The following TDRD10 variants were observed in gnomAD, a reference collection of about 807,000 sequenced individuals.
TDRD10 encodes the protein tudor domain-containing protein 10.
A neutral mutation model predicts 48.0 loss-of-function variants in TDRD10; 40 were observed. That is an observed-to-expected ratio of 0.83 (90% CI 0.65 to 1.09). The LOEUF (loss-of-function observed/expected upper bound fraction) is 1.09. Ranked by LOEUF, TDRD10 falls within the 50% of genes least tolerant of loss-of-function variation. The pLI is 0.00. For missense variants in TDRD10, 378 were observed against 434.7 expected (o/e 0.87, Z 1.16); for synonymous variants, 162 against 170.4 (o/e 0.95, Z 0.38).
At chr1:154,511,480 A>C (rs1189465376) in intron 4 of TDRD10, among the ~76,000 whole-genome samples, 1 of 151,504 alleles carries the variant, frequency 6.6e-6, no homozygotes, top group Non-Finnish European at 1.5e-5. Flanking sequence ...AATAATACAA[A>C]TATTACTAAT....
intron 11 of TDRD10, among the ~76,000 whole-genome samples, chr1:154,545,623 G>A (rs1302065419): frequency 6.6e-6 from 1 of 151,930 alleles, no homozygotes; most frequent in Non-Finnish European, 1.5e-5. Flanking sequence ...TGCCCATGCT[G>A]GAGTGCAGTG....
intron 7 of TDRD10, 46 bp downstream of exon 7, chr1:154,542,112 C>T: frequency 1.2e-6 from 2 of 1,606,988 alleles, no homozygotes; most frequent in African/African-American, 1.3e-5. Flanking sequence ...GGCTTTGCAG[C>T]TCCTAATGGA....
intron 1 of TDRD10, among the ~76,000 whole-genome samples, chr1:154,506,159 C>T (rs1398801926): frequency 4.6e-5 from 7 of 152,204 alleles, no homozygotes; most frequent in Non-Finnish European, 5.9e-5. Context: ...AGTCACAAGT[C>T]TGACACATGT....
chr1:154,505,692 GGACTGA>G (rs1353685654), intron 1 of TDRD10, among the ~76,000 whole-genome samples: 3 of 152,120 alleles, frequency 2.0e-5, no homozygotes, highest in Admixed American at 6.5e-5. Flanking sequence ...TGGAATCACA[GGACTGA>G]GTTACCTCAG....
intron 4 of TDRD10, among the ~76,000 whole-genome samples, chr1:154,519,892 C>T (rs773627650): frequency 6.6e-5 from 10 of 152,034 alleles, no homozygotes; most frequent in Non-Finnish European, 1.2e-4. Context: ...GGAAGGGAAC[C>T]ATATCCCCGG....
intron 6 of TDRD10, among the ~76,000 whole-genome samples, chr1:154,540,507 C>CAAAAAAAAAAAAAAAA (rs57375022): frequency 9.2e-6 from 1 of 109,118 alleles, no homozygotes; most frequent in African/African-American, 4.4e-5. Context: ...CCCATCTCTA[C>CAAAAAAAAAAAAAAAA]AAAAAAAAAA....
intron 6 of TDRD10, among the ~76,000 whole-genome samples, chr1:154,530,638 C>T (rs1694565358): frequency 6.6e-6 from 1 of 151,836 alleles, no homozygotes; most frequent in African/African-American, 2.4e-5. Flanking sequence ...TTTTAGTTTT[C>T]AGAGTTTAAT....
intron 6 of TDRD10, among the ~76,000 whole-genome samples, chr1:154,533,623 T>G (rs1221244139): frequency 1.3e-5 from 2 of 151,430 alleles, no homozygotes; most frequent in African/African-American, 4.9e-5. Context: ...AGAGTGGAGG[T>G]TCTAAGAATG....
At chr1:154,547,537 C>G (rs779628604) in intron 12 of TDRD10, 58 bp downstream of exon 12, 8 of 1,614,104 alleles carry the variant, frequency 5.0e-6, no homozygotes, top group African/African-American at 1.3e-5. Flanking sequence ...CTTGGGGTGT[C>G]TGCAGCAGGC....
intron 6 of TDRD10, among the ~76,000 whole-genome samples, chr1:154,535,888 C>G (rs908917846): frequency 1.3e-5 from 2 of 152,128 alleles, no homozygotes; most frequent in Non-Finnish European, 2.9e-5. Context: ...AGTCCTGGAA[C>G]AGTTGCTGTG....
intron 6 of TDRD10, among the ~76,000 whole-genome samples, chr1:154,531,542 A>C (rs1250944556): frequency 2.0e-5 from 3 of 151,888 alleles, no homozygotes; most frequent in African/African-American, 7.3e-5. Flanking sequence ...GGAGTTGTTC[A>C]TTCCTCCCAG....
At chr1:154,523,644 C>T (rs770961691) in intron 6 of TDRD10, among the ~76,000 whole-genome samples, 1 of 152,158 alleles carries the variant, frequency 6.6e-6, no homozygotes, top group African/African-American at 2.4e-5. Context: ...CTCTCATTTC[C>T]CTCTTAGCCT....
At chr1:154,533,064 A>G (rs996388011) in intron 6 of TDRD10, among the ~76,000 whole-genome samples, 1 of 152,188 alleles carries the variant, frequency 6.6e-6, no homozygotes, top group Admixed American at 6.5e-5. Context: ...ACACCCAGGC[A>G]GGGTGGTGGT....
Position 154,508,391 on chromosome 1 carries a change from T to C in TDRD10, c.83-32T>C, listed in dbSNP as rs755855816. Reference sequence around the variant, plus strand: ...CCTCTGAATCCTCTAACCGTATGTATGCCTGCCATTTAATGCTGTTTTTCT... The same window carrying C: ...CCTCTGAATCCTCTAACCGTATGTACGCCTGCCATTTAATGCTGTTTTTCT... On this transcript the variant is annotated intron_variant, in intron 3 of 12. Coordinates refer to ENST00000368482, the MANE Select transcript of TDRD10 (RefSeq NM_182499.4). The C allele has an allele frequency of 3.4e-6, 5 of 1,482,940 alleles. No individual in the cohort carries two copies. In the East Asian group the frequency reaches 1.1e-4, roughly 34 times the overall value. The allele number at this position is 1,482,940 out of a possible 1,614,324, so 91.9% of individuals were successfully genotyped here.
chr1:154,545,802 G>T (rs1421533734), intron 11 of TDRD10, among the ~76,000 whole-genome samples: 1 of 141,712 alleles, frequency 7.1e-6, no homozygotes, highest in Admixed American at 7.3e-5. Flanking sequence ...ATGGAGTCTC[G>T]TTCTGTCACC....
At chr1:154,530,788 C>G (rs1264505656) in intron 6 of TDRD10, among the ~76,000 whole-genome samples, 1 of 151,450 alleles carries the variant, frequency 6.6e-6, no homozygotes, top group Non-Finnish European at 1.5e-5. Context: ...GTCACCGGTT[C>G]TTTCTTCTGG....
chr1:154,533,432 AG>A (rs558573132), intron 6 of TDRD10, among the ~76,000 whole-genome samples: 46 of 151,196 alleles, frequency 3.0e-4, no homozygotes, highest in Non-Finnish European at 4.9e-4. Context: ...GAATATATAA[AG>A]CAAAAGGAAA....
intron 7 of TDRD10, 108 bp from the exon 8 acceptor site, chr1:154,542,623 C>A: frequency 1.3e-6 from 1 of 785,988 alleles, no homozygotes. Flanking sequence ...CTTCTTGGCC[C>A]ATTTTATGCT....
At chr1:154,525,360 C>T (rs962659293) in intron 6 of TDRD10, among the ~76,000 whole-genome samples, 3 of 151,144 alleles carry the variant, frequency 2.0e-5, no homozygotes. Context: ...TAAATGTGGA[C>T]ATTTAAAAGC....
Sources: allele counts gnomAD v4.1 joint callset (sites outside exome capture counted in the v4.1 genomes callset), GRCh38; gene constraint gnomAD v4.1.1; transcripts MANE v1.5; gene names NCBI Gene and HGNC (gene_info 2026-07-23, HGNC 2026-07-21).